PDZD2: variants seen among roughly 807,000 people sequenced by gnomAD.
PDZD2 encodes the protein PDZ domain containing 2, also known as PDZ domain-containing protein 2.
PDZD2 carries 90 observed loss-of-function variants against 220.7 expected under a neutral mutation model. The observed-to-expected ratio is 0.41, with a 90% CI of 0.34 to 0.49. The LOEUF (loss-of-function observed/expected upper bound fraction) is 0.49. Ranked by LOEUF, PDZD2 falls within the 20% of genes least tolerant of loss-of-function variation. PDZD2 has a pLI of 0.28. For synonymous variants in PDZD2, 1,375 were observed against 1,450.5 expected, an observed-to-expected ratio of 0.95 and a Z score of 1.18; for missense variants, 3,174 against 3,608.5, an observed-to-expected ratio of 0.88 and a Z score of 3.08.
intron 1 of PDZD2, among the ~76,000 whole-genome samples, chr5:31,730,057 AC>A (rs1432394181): frequency 1.3e-5 from 2 of 152,088 alleles, no homozygotes; most frequent in African/African-American, 4.8e-5. Context: ...TGAACTCCTG[AC>A]CTCAGGTGAT....
rs562779595 is a variant in PDZD2, at chr5:31,907,855, C to T, written c.477-75300C>T. Among the ~76,000 whole-genome samples the T allele has an allele frequency of 3.3e-5, 5 of 152,072 alleles. No homozygotes were observed. In the East Asian group the frequency reaches 5.8e-4, roughly 18 times the overall value. ...ATCCCAGCACTGTGGGAGGCTGAGGCGGGCAGATTACGAAGTCAGGAGTTC... is the reference window on the plus strand; with the variant it reads ...ATCCCAGCACTGTGGGAGGCTGAGGTGGGCAGATTACGAAGTCAGGAGTTC... On this transcript the variant is annotated intron_variant, in intron 2 of 24. Coordinates refer to ENST00000438447, the MANE Select transcript of PDZD2 (RefSeq NM_178140.4).
chr5:31,901,974 A>G (rs530072697), intron 2 of PDZD2, among the ~76,000 whole-genome samples: 20 of 152,336 alleles, frequency 1.3e-4, no homozygotes, highest in Non-Finnish European at 2.4e-4. Flanking sequence ...GTCCAATGTT[A>G]TCTATTCACC....
At chr5:31,805,438 T>C (rs1362835901) in intron 2 of PDZD2, among the ~76,000 whole-genome samples, 1 of 152,112 alleles carries the variant, frequency 6.6e-6, no homozygotes, top group African/African-American at 2.4e-5. Flanking sequence ...GAAATTAGAG[T>C]TCTGGACAGA....
intron 6 of PDZD2, among the ~76,000 whole-genome samples, chr5:32,021,021 C>G (rs1471558129): frequency 6.6e-6 from 1 of 151,744 alleles, no homozygotes; most frequent in Non-Finnish European, 1.5e-5. Context: ...AAAACCCCAC[C>G]TTACTTAAAG....
intron 2 of PDZD2, among the ~76,000 whole-genome samples, chr5:31,835,106 T>C (rs1756868421): frequency 6.6e-6 from 1 of 152,128 alleles, no homozygotes; most frequent in African/African-American, 2.4e-5. Flanking sequence ...TAGATGATTT[T>C]GAGGCAAAGA....
chr5:31,821,756 GT>G (rs1755878228), intron 2 of PDZD2, among the ~76,000 whole-genome samples: 1 of 151,362 alleles, frequency 6.6e-6, no homozygotes, highest in Non-Finnish European at 1.5e-5. Flanking sequence ...GTATACATGT[GT>G]CATTGTGGTT....
chr5:32,050,811 A>C (rs916600134), intron 8 of PDZD2, among the ~76,000 whole-genome samples: 2 of 152,130 alleles, frequency 1.3e-5, no homozygotes, highest in Non-Finnish European at 2.9e-5. Flanking sequence ...ATAGAGTGAG[A>C]GACTCTGTCT....
intron 2 of PDZD2, among the ~76,000 whole-genome samples, chr5:31,890,748 T>C (rs1740955790): frequency 6.6e-6 from 1 of 152,162 alleles, no homozygotes; most frequent in South Asian, 2.1e-4. Context: ...TGTGGGCCCC[T>C]AAATCCAAGG....
chr5:31,861,012 C>T (rs117380512), intron 2 of PDZD2, among the ~76,000 whole-genome samples: 2 of 152,070 alleles, frequency 1.3e-5, no homozygotes, highest in Non-Finnish European at 2.9e-5. Flanking sequence ...GGAAAGAGCT[C>T]GCTATCAAAG....
intron 2 of PDZD2, among the ~76,000 whole-genome samples, chr5:31,940,979 G>T (rs947854392): frequency 6.6e-6 from 1 of 152,008 alleles, no homozygotes; most frequent in African/African-American, 2.4e-5. Context: ...AAGTGGTTCT[G>T]CAGTGAACAA....
chr5:31,668,677 A>G (rs1746096359), intron 1 of PDZD2, among the ~76,000 whole-genome samples: 1 of 152,190 alleles, frequency 6.6e-6, no homozygotes, highest in African/African-American at 2.4e-5. Context: ...AAAAACATTA[A>G]TCTTATTTGT....
At chr5:31,988,682 C>T (rs868239502) in intron 3 of PDZD2, among the ~76,000 whole-genome samples, 19 of 152,012 alleles carry the variant, frequency 1.2e-4, no homozygotes, top group African/African-American at 3.6e-4. Flanking sequence ...AACTAACCCC[C>T]GTCTGGAAGC....
intron 2 of PDZD2, among the ~76,000 whole-genome samples, chr5:31,964,973 C>T (rs185722583): frequency 1.3e-5 from 2 of 152,324 alleles, no homozygotes; most frequent in Non-Finnish European, 2.9e-5. Context: ...CCGCCCACCT[C>T]CGCTTCCCAA....
At position 31,849,967 on chromosome 5, in the gene PDZD2, TATATATATATAC is replaced by T. The variant is rs1757882534; in HGVS notation, c.476+50255_476+50266del. 1.8e-4 allele frequency among the ~76,000 whole-genome samples: 3 copies of T among 17,100 alleles called. 1 individual carries two copies. The highest frequency in any genetic ancestry group is 1.4e-3 in the Admixed American group (2 of 1,476). The allele number at this position is 17,100 out of a possible 152,430, so 11.2% of individuals were successfully genotyped here. A position where few individuals can be genotyped will look rare whatever the true frequency, so the allele number is the denominator to read the frequency against. Reference sequence around the variant, plus strand: ...ATATATACATATATATATATACACATATATATATATACATATATATATATACACATATATATA... The same window carrying T: ...ATATATACATATATATATATACACATATATATATATATACACATATATATA... On this transcript the variant is annotated intron_variant, in intron 2 of 24. Transcript: ENST00000438447.
At chr5:31,818,882 C>T (rs1315647476) in intron 2 of PDZD2, among the ~76,000 whole-genome samples, 2 of 152,132 alleles carry the variant, frequency 1.3e-5, no homozygotes, top group African/African-American at 4.8e-5. Context: ...GCTAACTCAA[C>T]AGATATAATT....
chr5:31,988,441 T>TTG (rs1554019949), intron 3 of PDZD2, among the ~76,000 whole-genome samples: 2 of 146,376 alleles, frequency 1.4e-5, no homozygotes, highest in Non-Finnish European at 3.0e-5. Context: ...GAGATGGGGG[T>TTG]GGGGGGGGTG....
chr5:31,964,628 C>T (rs1748553762), intron 2 of PDZD2, among the ~76,000 whole-genome samples: 1 of 152,218 alleles, frequency 6.6e-6, no homozygotes, highest in African/African-American at 2.4e-5. Context: ...CCATTCCTGA[C>T]CAGCCTGTTT....
At chr5:31,690,909 T>C (rs939862072) in intron 1 of PDZD2, among the ~76,000 whole-genome samples, 2 of 152,174 alleles carry the variant, frequency 1.3e-5, no homozygotes, top group Non-Finnish European at 1.5e-5. Flanking sequence ...ATGATGACCA[T>C]GATGCCACTG....
At chr5:31,679,664 C>T (rs371561058) in intron 1 of PDZD2, among the ~76,000 whole-genome samples, 4 of 152,264 alleles carry the variant, frequency 2.6e-5, no homozygotes, top group African/African-American at 9.6e-5. Context: ...TGCACCACCA[C>T]GCCCGGCTAA....
Sources: gnomAD v4.1 joint callset for allele counts (sites outside exome capture counted in the v4.1 genomes callset) on GRCh38, gnomAD v4.1.1 for gene constraint, MANE v1.5 for transcripts, NCBI Gene and HGNC (gene_info 2026-07-23, HGNC 2026-07-21) for gene names.